The following RECK variants were observed in gnomAD, a reference collection of about 807,000 sequenced individuals.
RECK encodes the protein reversion inducing cysteine rich protein with kazal motifs, also known as reversion-inducing cysteine-rich protein with Kazal motifs.
In RECK, 69 loss-of-function variants were observed where a neutral mutation model predicts 115.1. The ratio of observed to expected loss-of-function variants is 0.60; its 90% CI spans 0.49 to 0.73. The LOEUF is 0.73. Among genes scored for constraint, RECK ranks in the 30% least tolerant of loss-of-function variants. RECK has a pLI of 0.00. For missense variants in RECK, 1,047 were observed against 1,203.7 expected (o/e 0.87, Z 1.93); for synonymous variants, 414 against 419.7 (o/e 0.99, Z 0.17).
chr9:36,046,617 G>A (rs7848945), intron 1 of RECK, among the ~76,000 whole-genome samples: 3,870 of 152,250 alleles, frequency 0.025, 170 homozygotes, highest in African/African-American at 0.087. Flanking sequence ...TGGTTGGGAG[G>A]AGGAAAGAAG....
chr9:36,064,056 G>A (rs1490092974), intron 5 of RECK, among the ~76,000 whole-genome samples, 176 bp downstream of exon 5: 1 of 152,080 alleles, frequency 6.6e-6, no homozygotes, highest in Non-Finnish European at 1.5e-5. Flanking sequence ...TTTATTTATG[G>A]CTGCTGCATA....
At chr9:36,069,563 A>G (rs180781783) in intron 6 of RECK, among the ~76,000 whole-genome samples, 7 of 152,300 alleles carry the variant, frequency 4.6e-5, no homozygotes, top group African/African-American at 1.7e-4. Context: ...TTGAAATACA[A>G]ACACAATGGA....
chr9:36,087,753 C>G lies in RECK; in HGVS notation c.697C>G (p.Leu233Val), dbSNP rs1283665530. 2.5e-6 allele frequency: 4 copies of G among 1,613,886 alleles called. No homozygotes were observed. In the Admixed American group the frequency reaches 5.0e-5, roughly 20 times the overall value. Residue 233 changes from leucine (L) to valine (V), a missense_variant, in exon 9 of 21, where the codon CTG (leucine) becomes GTG (valine). Physicochemically the swap from Leu to Val is conservative, Grantham distance 32. Transcript: ENST00000377966. ...HACQNACKRI[L>V]MSKKTEMEIV... ...TTGCCAAAATGCCTGCAAGAGAATCCTGATGTCCAAGAAAACGGAAATGGA... is the reference window on the plus strand; with the variant it reads ...TTGCCAAAATGCCTGCAAGAGAATCGTGATGTCCAAGAAAACGGAAATGGA...
chr9:36,104,316 A>T (rs1587074302), intron 12 of RECK, among the ~76,000 whole-genome samples: 2 of 57,900 alleles, frequency 3.5e-5, no homozygotes, highest in African/African-American at 1.0e-4. Context: ...ATATATATAT[A>T]TATATATATA....
chr9:36,118,971 G>T lies in RECK; in HGVS notation c.2464+4G>T, dbSNP rs374083982. ...TGCAAACCCATCATCCCACCGGGTA[G>T]GCTGGCAGTATCGGGGTGGACAGGG... On this transcript the variant is annotated splice_donor_region_variant and intron_variant, in intron 18 of 20. Coordinates refer to ENST00000377966, the MANE Select transcript of RECK (RefSeq NM_021111.3). The T allele has an allele frequency of 5.7e-5, 92 of 1,611,592 alleles. No homozygotes were observed. The highest frequency in any genetic ancestry group is 7.8e-5 in the Non-Finnish European group (92 of 1,179,468).
chr9:36,072,292 A>T (rs1384616308), intron 6 of RECK, among the ~76,000 whole-genome samples: 2 of 152,232 alleles, frequency 1.3e-5, no homozygotes, highest in East Asian at 3.8e-4. Context: ...CATAAAGGAA[A>T]AGGGATGAAA....
At position 36,037,110 on chromosome 9, in the gene RECK, C is replaced by T. The variant is rs975738899; in HGVS notation, c.100+12C>T. ...TCCGGGCAGTGCGGGTGAGTAACCT[C>T]CAGAGCAACGGTTCGAAGCTGTCGG... On this transcript the variant is annotated intron_variant, in intron 1 of 20. Transcript: ENST00000377966. The T allele has an allele frequency of 9.3e-6, 12 of 1,294,072 alleles. No individual in the cohort carries two copies. The highest frequency in any genetic ancestry group is 4.1e-5 in the Admixed American group (1 of 24,386). The allele number at this position is 1,294,072 out of a possible 1,614,324, so 80.2% of individuals were successfully genotyped here.
intron 6 of RECK, among the ~76,000 whole-genome samples, chr9:36,078,699 A>G (rs1822554206): frequency 6.6e-6 from 1 of 152,180 alleles, no homozygotes; most frequent in African/African-American, 2.4e-5. Flanking sequence ...CATGCAACCC[A>G]AGATAGCCAC....
At chr9:36,055,984 A>G (rs1821505398) in intron 2 of RECK, among the ~76,000 whole-genome samples, 1 of 151,750 alleles carries the variant, frequency 6.6e-6, no homozygotes, top group Non-Finnish European at 1.5e-5. Context: ...GTCTTTTTCA[A>G]TCGATTTTTC....
Position 36,122,791 on chromosome 9 carries a change from TTTATATTAAGGGAACCTTG to T in RECK, c.2695-30_2695-12del. The T allele has an allele frequency of 6.3e-7, 1 of 1,577,794 alleles. No homozygotes were observed. The highest frequency in any genetic ancestry group is 8.7e-7 in the Non-Finnish European group (1 of 1,149,346). ...CTTGATGTTGAAAACGTTCTGTGGT[TTTATATTAAGGGAACCTTG>T]TTTCTCCTCACAGATTGAAGCCTGC... On this transcript the variant is annotated splice_polypyrimidine_tract_variant and intron_variant, in intron 20 of 20. Transcript: ENST00000377966.
At chr9:36,059,498 T>C (rs1821674210) in intron 3 of RECK, among the ~76,000 whole-genome samples, 1 of 152,150 alleles carries the variant, frequency 6.6e-6, no homozygotes, top group Non-Finnish European at 1.5e-5. Flanking sequence ...ATTTTATTTA[T>C]TATTATAGTT....
intron 8 of RECK, among the ~76,000 whole-genome samples, chr9:36,086,427 C>G (rs145970448): frequency 6.6e-6 from 1 of 152,050 alleles, no homozygotes; most frequent in African/African-American, 2.4e-5. Context: ...TTCGTGGTCT[C>G]GCTGACTTCA....
rs573441652 is a variant in RECK, at chr9:36,078,962, C to T, written c.406-1643C>T. On this transcript the variant is annotated intron_variant, in intron 6 of 20. Transcript: ENST00000377966. The stretch of plus-strand genomic sequence containing the variant: ...CCAGGCTGGAGTGTAGTGGCATGAT[C>T]TCGGCTCACTGCAACCTCCGCCTCC... Among the ~76,000 whole-genome samples the T allele has an allele frequency of 3.3e-5, 5 of 152,238 alleles. No homozygotes were observed. In the South Asian group the frequency reaches 1.0e-3, roughly 32 times the overall value.
intron 6 of RECK, among the ~76,000 whole-genome samples, chr9:36,080,055 A>G (rs1299722357): frequency 6.6e-6 from 1 of 152,162 alleles, no homozygotes; most frequent in Non-Finnish European, 1.5e-5. Context: ...CAGGATGGCT[A>G]TAAAAAAACT....
At chr9:36,115,960 C>G (rs1201398780) in intron 16 of RECK, among the ~76,000 whole-genome samples, 1 of 152,062 alleles carries the variant, frequency 6.6e-6, no homozygotes, top group Non-Finnish European at 1.5e-5. Context: ...TCATCCCTAG[C>G]CCCTCTGAAG....
chr9:36,085,718 G>A (rs1822928782), intron 8 of RECK: 1 of 142,956 alleles, frequency 7.0e-6, no homozygotes, highest in African/African-American at 3.0e-5. Flanking sequence ...CCCTGCCTCG[G>A]GGGGAAAAAA....
intron 2 of RECK, among the ~76,000 whole-genome samples, chr9:36,056,251 AAT>A (rs774875584): frequency 6.6e-6 from 1 of 151,964 alleles, no homozygotes; most frequent in Admixed American, 6.5e-5. Context: ...TTAAAAAAAA[AAT>A]AACCACAATA....
Position 36,105,282 on chromosome 9 carries a change from A to G in RECK, c.1575A>G (p.Gln525=). The change falls in exon 13 of 21, where the codon CAA becomes CAG. Residue 525 remains glutamine (Q), a splice_region_variant and synonymous_variant. Transcript: ENST00000377966. ...CCTGTCTTCCATACTTTTGTGTTCAAGGTAAGAGGTAGGTGGGTGTGAGAA... is the reference window on the plus strand; with the variant it reads ...CCTGTCTTCCATACTTTTGTGTTCAGGGTAAGAGGTAGGTGGGTGTGAGAA... ...GDPCLPYFCV[Q]GCKLGEASDF... is the part of the protein sequence containing the mutation. The G allele has an allele frequency of 6.2e-7, 1 of 1,613,966 alleles. No homozygotes were observed. The highest frequency in any genetic ancestry group is 8.5e-7 in the Non-Finnish European group (1 of 1,179,876).
chr9:36,038,293 C>CA (rs956242391), intron 1 of RECK, among the ~76,000 whole-genome samples: 15 of 150,176 alleles, frequency 1.0e-4, no homozygotes, highest in African/African-American at 2.4e-4. Context: ...GACCCTGTCT[C>CA]AAAAAAAAAT....
Sources: allele counts gnomAD v4.1 joint callset (sites outside exome capture counted in the v4.1 genomes callset), GRCh38; gene constraint gnomAD v4.1.1; transcripts MANE v1.5; gene names NCBI Gene and HGNC (gene_info 2026-07-23, HGNC 2026-07-21).